KCNT2: variants seen among roughly 807,000 people sequenced by gnomAD.
KCNT2 encodes the protein potassium channel subfamily T member 2.
KCNT2 carries 67 observed loss-of-function variants against 153.8 expected under a neutral mutation model. That is an observed-to-expected ratio of 0.44 (90% CI 0.36 to 0.53). The LOEUF is 0.53. Among genes scored for constraint, KCNT2 ranks in the 20% least tolerant of loss-of-function variants. The probability of loss-of-function intolerance (pLI) is 0.00; values close to 1 mark genes in which losing one functional copy is unlikely to be tolerated. For synonymous variants in KCNT2, 500 were observed against 458.8 expected (o/e 1.09, Z -1.15); for missense variants, 975 against 1,354.8 (o/e 0.72, Z 4.40).
Position 196,258,327 on chromosome 1 carries a change from T to G in KCNT2, c.3078A>C (p.Pro1026=), listed in dbSNP as rs541339628. 1.2e-6 allele frequency: 2 copies of G among 1,614,058 alleles called. No homozygotes were observed. The highest frequency in any genetic ancestry group is 1.1e-5 in the South Asian group (1 of 91,082). Residue 1026 remains proline (P), a synonymous_variant, in exon 26 of 28, where the codon CCA becomes CCC. Coordinates refer to ENST00000294725, the MANE Select transcript of KCNT2 (RefSeq NM_198503.5). The stretch of plus-strand genomic sequence containing the variant: ...TTTCAGCTGTTTTACCAGAGTGTTT[T>G]GGGCCTTTTCTGCTCAGTCTTCGGG... The part of the protein sequence containing the change: ...QWARRLSRKG[P]KHSGKTAEKI...
At chr1:196,504,579 T>A (rs1680975805) in intron 1 of KCNT2, among the ~76,000 whole-genome samples, 1 of 152,176 alleles carries the variant, frequency 6.6e-6, no homozygotes, top group Non-Finnish European at 1.5e-5. Context: ...GCATGATTTA[T>A]AGTCCTTTGG....
chr1:196,321,257 T>C (rs1663286342), intron 19 of KCNT2, among the ~76,000 whole-genome samples: 1 of 151,834 alleles, frequency 6.6e-6, no homozygotes, highest in Non-Finnish European at 1.5e-5. Context: ...CCCTGTCTTG[T>C]AATTGGAGAA....
intron 13 of KCNT2, among the ~76,000 whole-genome samples, chr1:196,392,433 T>A (rs751249288): frequency 4.0e-5 from 6 of 151,436 alleles, no homozygotes; most frequent in Non-Finnish European, 7.4e-5. Context: ...ATATAACAAC[T>A]CTAAGCATTA....
intron 5 of KCNT2, among the ~76,000 whole-genome samples, chr1:196,475,151 C>G (rs981507677): frequency 1.3e-5 from 2 of 152,132 alleles, no homozygotes; most frequent in African/African-American, 4.8e-5. Flanking sequence ...GCATACATAT[C>G]TATCCATAAA....
At chr1:196,282,664 CA>C (rs1288944922) in intron 23 of KCNT2, among the ~76,000 whole-genome samples, 1 of 152,082 alleles carries the variant, frequency 6.6e-6, no homozygotes, top group Admixed American at 6.6e-5. Flanking sequence ...GCAAAAACCC[CA>C]AATGAAATGA....
intron 1 of KCNT2, among the ~76,000 whole-genome samples, chr1:196,540,506 T>C (rs10922080): frequency 0.98 from 149,705 of 152,276 alleles, 73,632 homozygotes; most frequent in Middle Eastern, 1. Context: ...ATTCAATTTT[T>C]CTGTTTGTGT....
chr1:196,297,409 T>C (rs192083055), intron 22 of KCNT2, among the ~76,000 whole-genome samples: 3 of 152,164 alleles, frequency 2.0e-5, no homozygotes, highest in African/African-American at 7.2e-5. Flanking sequence ...TGTGGCACTC[T>C]TCCATGGGGA....
intron 26 of KCNT2, among the ~76,000 whole-genome samples, chr1:196,244,455 A>C (rs1216580451): frequency 1.3e-5 from 2 of 152,070 alleles, no homozygotes; most frequent in East Asian, 3.9e-4. Context: ...TCCCTGGGCC[A>C]AAGGGGTGCC....
chr1:196,355,855 A>AT (rs1219745844), intron 14 of KCNT2, among the ~76,000 whole-genome samples: 6 of 151,772 alleles, frequency 4.0e-5, no homozygotes, highest in African/African-American at 1.4e-4. Flanking sequence ...CATTAATAAA[A>AT]TTTTATAGCT....
At chr1:196,252,243 G>A (rs1656039736) in intron 26 of KCNT2, among the ~76,000 whole-genome samples, 1 of 151,524 alleles carries the variant, frequency 6.6e-6, no homozygotes, top group African/African-American at 2.4e-5. Context: ...TAGGTCATAG[G>A]TTGGCAAACT....
intron 13 of KCNT2, among the ~76,000 whole-genome samples, chr1:196,392,457 G>T (rs1420367180): frequency 6.6e-6 from 1 of 151,286 alleles, no homozygotes. Flanking sequence ...TCTTAAGTAG[G>T]TTGTAAAAAT....
intron 1 of KCNT2, among the ~76,000 whole-genome samples, chr1:196,536,323 A>C (rs768806282): frequency 6.6e-6 from 1 of 152,244 alleles, no homozygotes; most frequent in Non-Finnish European, 1.5e-5. Flanking sequence ...GCAGTTAACC[A>C]CAAGGTTAAG....
chr1:196,301,243 C>G (rs1661158652), intron 22 of KCNT2, among the ~76,000 whole-genome samples: 1 of 152,116 alleles, frequency 6.6e-6, no homozygotes, highest in African/African-American at 2.4e-5. Context: ...TGTGTCCCCC[C>G]AAAATCATTC....
chr1:196,326,306 T>TAA (rs1252974220), intron 19 of KCNT2, among the ~76,000 whole-genome samples: 1 of 152,002 alleles, frequency 6.6e-6, no homozygotes, highest in African/African-American at 2.4e-5. Context: ...TTATAACATA[T>TAA]AAAAATGGAT....
chr1:196,294,007 A>G (rs1256018532), intron 22 of KCNT2, among the ~76,000 whole-genome samples: 1 of 152,168 alleles, frequency 6.6e-6, no homozygotes, highest in African/African-American at 2.4e-5. Context: ...CTCAACAGCA[A>G]TAAAACACAT....
At chr1:196,515,113 C>T (rs914737438) in intron 1 of KCNT2, among the ~76,000 whole-genome samples, 3 of 152,068 alleles carry the variant, frequency 2.0e-5, no homozygotes, top group Non-Finnish European at 2.9e-5. Flanking sequence ...CTATGATTTC[C>T]GATAATGATG....
chr1:196,296,598 C>G (rs938266456), intron 22 of KCNT2, among the ~76,000 whole-genome samples: 25 of 152,020 alleles, frequency 1.6e-4, no homozygotes, highest in African/African-American at 6.0e-4. Context: ...AATATAATGA[C>G]AGCATTCAGC....
intron 1 of KCNT2, among the ~76,000 whole-genome samples, chr1:196,580,466 G>T (rs1432792364): frequency 6.6e-6 from 1 of 152,044 alleles, no homozygotes; most frequent in Non-Finnish European, 1.5e-5. Context: ...CCTGAGAAAG[G>T]CTTTATAGTT....
At chr1:196,314,880 C>G (rs945170733) in intron 21 of KCNT2, among the ~76,000 whole-genome samples, 26 of 151,442 alleles carry the variant, frequency 1.7e-4, no homozygotes, top group African/African-American at 5.3e-4. Context: ...TAAAAATGAC[C>G]AGGTATGTGC....
Sources: gnomAD v4.1 joint callset for allele counts (sites outside exome capture counted in the v4.1 genomes callset) on GRCh38, gnomAD v4.1.1 for gene constraint, MANE v1.5 for transcripts, NCBI Gene and HGNC (gene_info 2026-07-23, HGNC 2026-07-21) for gene names.